FKBP5: variants seen among roughly 807,000 people sequenced by gnomAD.
The protein encoded by FKBP5 is FKBP prolyl isomerase 5.
Under a neutral mutation model 50.5 loss-of-function variants are expected in FKBP5, and 23 were observed. The ratio of observed to expected loss-of-function variants is 0.46; its 90% CI spans 0.33 to 0.65. The LOEUF (loss-of-function observed/expected upper bound fraction) is 0.65. Ranked by LOEUF, FKBP5 falls within the 30% of genes least tolerant of loss-of-function variation. The pLI, the probability that FKBP5 is intolerant of heterozygous loss-of-function variation, is 0.02. For missense variants in FKBP5, 411 were observed against 553.1 expected (o/e 0.74, Z 2.58); for synonymous variants, 176 against 190.6 (o/e 0.92, Z 0.63).
At chr6:35,587,219 T>C (rs1762628676) in intron 7 of FKBP5, 102 bp from the exon 8 acceptor site, 1 of 1,022,674 alleles carries the variant, frequency 9.8e-7, no homozygotes, top group Non-Finnish European at 1.5e-6. Flanking sequence ...TACTCCAAAC[T>C]GAAAACACTC....
rs10599241 is a variant in FKBP5 at position 35,726,536 on chromosome 6, C to CCACA, written c.-241+1968_-241+1971dup. ...TCCACCCCTCCCATCTCCTCCTCCT[C>CCACA]CACACACACACACACACACACACAC... On this transcript the variant is annotated intron_variant, in intron 1 of 11. Transcript: ENST00000536438. Among the ~76,000 whole-genome samples the CCACA allele has an allele frequency of 6.9e-3, 961 of 139,436 alleles. 8 individuals carry two copies. Among genetic ancestry groups the CCACA allele is most frequent in the African/African-American group, 9.5e-3 (348 of 36,620 alleles). 91.5% of individuals were successfully genotyped at this position (139,436 alleles called of 152,430 possible). A position where few individuals can be genotyped will look rare whatever the true frequency, so the allele number is the denominator to read the frequency against.
At chr6:35,606,563 G>A (rs1763323489) in intron 5 of FKBP5, among the ~76,000 whole-genome samples, 1 of 150,158 alleles carries the variant, frequency 6.7e-6, no homozygotes, top group Non-Finnish European at 1.5e-5. Context: ...GGGAGGCTGA[G>A]GCAGGAGAAT....
chr6:35,674,193 A>C (rs1765469771), intron 1 of FKBP5, among the ~76,000 whole-genome samples: 1 of 152,246 alleles, frequency 6.6e-6, no homozygotes, highest in Non-Finnish European at 1.5e-5. Context: ...AAAAAGAGAA[A>C]GCCAAAAACA....
At chr6:35,580,261 A>C (rs1762383283) in intron 8 of FKBP5, 40 bp from the exon 9 acceptor site, 1 of 1,516,382 alleles carries the variant, frequency 6.6e-7, no homozygotes, top group Non-Finnish European at 9.0e-7. Context: ...TCAGCTCTTG[A>C]GGGGGTACAA....
upstream of FKBP5, among the ~76,000 whole-genome samples, chr6:35,691,602 G>A (rs1180178903): frequency 6.6e-6 from 1 of 152,090 alleles, no homozygotes; most frequent in Non-Finnish European, 1.5e-5. Flanking sequence ...GCCAGAGTCT[G>A]TGGAGAACAG....
intron 1 of FKBP5, among the ~76,000 whole-genome samples, chr6:35,648,978 G>A (rs949081512): frequency 2.0e-5 from 3 of 151,874 alleles, no homozygotes; most frequent in South Asian, 2.1e-4. Context: ...AAGGCCAGGC[G>A]GGATGGCTCA....
At chr6:35,701,199 G>A (rs1446045370) in intron 2 of FKBP5, among the ~76,000 whole-genome samples, 2 of 109,758 alleles carry the variant, frequency 1.8e-5, no homozygotes, top group East Asian at 5.2e-4. Context: ...TAGGAGTGCT[G>A]TGTTTTTGTT....
chr6:35,626,704 T>C (rs1431454428), intron 3 of FKBP5, among the ~76,000 whole-genome samples: 1 of 152,230 alleles, frequency 6.6e-6, no homozygotes, highest in Non-Finnish European at 1.5e-5. Context: ...CTACTCTGGA[T>C]AGATAACTCA....
intron 2 of FKBP5, among the ~76,000 whole-genome samples, chr6:35,696,093 C>A (rs1012772630): frequency 7.3e-6 from 1 of 137,590 alleles, no homozygotes; most frequent in Admixed American, 7.8e-5. Context: ...TGCGGTGAAC[C>A]GAGATCGTGC....
At chr6:35,719,044 C>T (rs937710929) in intron 2 of FKBP5, among the ~76,000 whole-genome samples, 1 of 152,168 alleles carries the variant, frequency 6.6e-6, no homozygotes, top group African/African-American at 2.4e-5. Flanking sequence ...CCCCTTGCCC[C>T]CTCCCAACTC....
chr6:35,693,391 C>T (rs946150409), upstream of FKBP5, among the ~76,000 whole-genome samples: 4 of 151,848 alleles, frequency 2.6e-5, no homozygotes, highest in Admixed American at 6.6e-5. Flanking sequence ...TCTCAATCGC[C>T]TGACCTCCTG....
At chr6:35,589,286 G>A (rs1762741571) in intron 7 of FKBP5, among the ~76,000 whole-genome samples, 1 of 151,028 alleles carries the variant, frequency 6.6e-6, no homozygotes. Flanking sequence ...CTGCCACCAC[G>A]TCCAGCTAAT....
intron 1 of FKBP5, among the ~76,000 whole-genome samples, chr6:35,685,593 T>C (rs1043403803): frequency 1.3e-5 from 2 of 152,196 alleles, no homozygotes; most frequent in African/African-American, 4.8e-5. Flanking sequence ...ATGTATAATA[T>C]AGATTATTCT....
intron 5 of FKBP5, among the ~76,000 whole-genome samples, chr6:35,613,852 G>A (rs1245317678): frequency 6.6e-6 from 1 of 152,132 alleles, no homozygotes; most frequent in African/African-American, 2.4e-5. Context: ...ATTCTAACAA[G>A]ATGAAAGACA....
chr6:35,724,016 T>C (rs992057645), intron 1 of FKBP5, among the ~76,000 whole-genome samples: 3 of 152,242 alleles, frequency 2.0e-5, no homozygotes, highest in Non-Finnish European at 4.4e-5. Flanking sequence ...GTCTGATTCT[T>C]ACTTTAGAGG....
chr6:35,602,668 C>T (rs1415968742), intron 5 of FKBP5, among the ~76,000 whole-genome samples: 1 of 151,866 alleles, frequency 6.6e-6, no homozygotes, highest in African/African-American at 2.4e-5. Flanking sequence ...GAAATACTTC[C>T]AACACGCATG....
chr6:35,613,217 A>AT (rs767130652), intron 5 of FKBP5, among the ~76,000 whole-genome samples: 3 of 151,016 alleles, frequency 2.0e-5, no homozygotes, highest in Non-Finnish European at 4.4e-5. Flanking sequence ...TATTTATTTT[A>AT]TTTATTTATT....
At position 35,584,587 on chromosome 6, in the gene FKBP5, T is replaced by C. The variant is rs182874990; in HGVS notation, c.840+2447A>G. 388 of 985,474 alleles carry C rather than the reference T, an allele frequency of 3.9e-4. 3 individuals carry two copies. In the Admixed American group the frequency reaches 5.9e-3, roughly 15 times the overall value. 61.0% of individuals were successfully genotyped at this position (985,474 alleles called of 1,614,324 possible). On this transcript the variant is annotated intron_variant, in intron 8 of 10. Transcript: ENST00000357266. ...GGAATATGTACAGGAAACTATCTAC[T>C]AACCATTTTGAAGTTTTACAGCTAA...
rs779473333 is a variant in FKBP5, at chr6:35,577,187, C to T, written c.1073G>A (p.Gly358Asp). Reference sequence around the variant, plus strand: ...CTCGTTCATGAGCAGCTGGGCTTCACCCCTCCTATACAAGCCTTTCTCATT... The same window carrying T: ...CTCGTTCATGAGCAGCTGGGCTTCATCCCTCCTATACAAGCCTTTCTCATT... ...SANEKGLYRR[G>D]EAQLLMNEFE... is the part of the protein sequence containing the mutation. The change falls in exon 10 of 11, where the codon GGT (glycine) becomes GAT (aspartate). Residue 358 changes from glycine to aspartate, a missense_variant. Around this residue, in one of 3 missense-constraint regions of FKBP5, gnomAD observed 267 missense variants for 405.9 expected, o/e 0.66. Transcript: ENST00000357266. The T allele has an allele frequency of 2.5e-6, 4 of 1,613,852 alleles. No individual in the cohort carries two copies. Among genetic ancestry groups the T allele is most frequent in the South Asian group, 2.2e-5 (2 of 91,050 alleles).
Sources: allele counts gnomAD v4.1 joint callset (sites outside exome capture counted in the v4.1 genomes callset), GRCh38; gene constraint gnomAD v4.1.1; regional missense constraint gnomAD v4.1.1; transcripts MANE v1.5; gene names NCBI Gene and HGNC (gene_info 2026-07-23, HGNC 2026-07-21).